The following GATA2 variants were observed in gnomAD, a reference collection of about 807,000 sequenced individuals.
GATA2 encodes the protein GATA binding protein 2.
In GATA2, 6 loss-of-function variants were observed where a neutral mutation model predicts 35.7. The observed-to-expected ratio is 0.17, with a 90% CI of 0.09 to 0.33. The LOEUF (loss-of-function observed/expected upper bound fraction) is 0.33, where lower values mean the gene tolerates loss of function less well. Among genes scored for constraint, GATA2 ranks in the 10% least tolerant of loss-of-function variants. GATA2 has a pLI of 1.00. For missense variants in GATA2, 541 were observed against 656.6 expected, an observed-to-expected ratio of 0.82 and a Z score of 1.92; for synonymous variants, 313 against 274.9, an observed-to-expected ratio of 1.14 and a Z score of -1.37.
chr3:128,486,153 C>T lies in GATA2; in HGVS notation c.445G>A (p.Gly149Arg), dbSNP rs753645971. 5.8e-5 allele frequency: 92 copies of T among 1,581,142 alleles called. No individual in the cohort carries two copies. Among genetic ancestry groups the T allele is most frequent in the Admixed American group, 5.2e-4 (28 of 54,346 alleles). The change falls in exon 3 of 6, where the codon GGG becomes AGG. Residue 149 changes from glycine to arginine, a missense_variant. Transcript: ENST00000341105. ...GCCACTGAGCTCCCGCTGCCTCCCC[C>T]GCTCCCACCCCCAGCCCCTGGGTAC... ...SVYPGAGGGS[G>R]GGSGSSVASL...
chr3:128,481,576 C>G (rs560546629), intron 5 of GATA2, among the ~76,000 whole-genome samples: 47 of 152,364 alleles, frequency 3.1e-4, no homozygotes, highest in African/African-American at 8.7e-4. Context: ...GTCCTCCCCC[C>G]CACCCTGACC....
Position 128,486,265 on chromosome 3 carries a change from G to A in GATA2, c.333C>T (p.His111=), listed in dbSNP as rs148554346. The change falls in exon 3 of 6, where the codon CAC becomes CAT. Residue 111 remains histidine, a synonymous_variant. Transcript: ENST00000341105. ...GGCTCACGGTCCAGGGGTTGTGGTGGTGGGCCGCAGCGGCAGAGAGGGCTG... is the reference window on the plus strand; with the variant it reads ...GGCTCACGGTCCAGGGGTTGTGGTGATGGGCCGCAGCGGCAGAGAGGGCTG... ...GKAALSAAAA[H]HHNPWTVSPF... The A allele has an allele frequency of 3.9e-4, 610 of 1,571,482 alleles. 4 individuals carry two copies. In the African/African-American group the frequency reaches 7.2e-3, roughly 19 times the overall value.
rs1302554354 is a variant in GATA2, at chr3:128,480,439, G to A, written c.*580C>T. 2.5e-5 allele frequency: 6 copies of A among 236,386 alleles called. No individual in the cohort carries two copies. Among genetic ancestry groups the A allele is most frequent in the South Asian group, 1.8e-4 (1 of 5,598 alleles). 14.6% of individuals were successfully genotyped at this position (236,386 alleles called of 1,614,324 possible). On this transcript the variant is annotated 3_prime_UTR_variant, in exon 6 of 6. Coordinates refer to ENST00000341105, the MANE Select transcript of GATA2 (RefSeq NM_032638.5). ...GTCTCTGCCCTCCAGGGCCTGGCCCGTCAAAGCAGGCACCAGCTCACCCTC... is the reference window on the plus strand; with the variant it reads ...GTCTCTGCCCTCCAGGGCCTGGCCCATCAAAGCAGGCACCAGCTCACCCTC...
Position 128,480,995 on chromosome 3 carries a change from C to T in GATA2, c.*24G>A, listed in dbSNP as rs201159232. 216 of 1,529,188 alleles carry T rather than the reference C, an allele frequency of 1.4e-4. No homozygotes were observed. The East Asian group carries it at 4.2e-3, about 30-fold the overall frequency. The allele number at this position is 1,529,188 out of a possible 1,614,324, so 94.7% of individuals were successfully genotyped here. Reference sequence around the variant, plus strand: ...TTGGTCCACCCATCCCGGGAGTGCCCGGTCCTCGACGTCCATCTGTTCCCT... The same window carrying T: ...TTGGTCCACCCATCCCGGGAGTGCCTGGTCCTCGACGTCCATCTGTTCCCT... On this transcript the variant is annotated 3_prime_UTR_variant, in exon 6 of 6. Coordinates refer to ENST00000341105, the MANE Select transcript of GATA2 (RefSeq NM_032638.5).
Position 128,485,763 on chromosome 3 carries a change from T to A in GATA2, c.835A>T (p.Thr279Ser), listed in dbSNP as rs748013734. 5 of 1,613,772 alleles carry A rather than the reference T, an allele frequency of 3.1e-6. No homozygotes were observed. In the South Asian group the frequency reaches 4.4e-5, roughly 14 times the overall value. The change falls in exon 3 of 6, where the codon ACC (threonine) becomes TCC (serine). Residue 279 changes from threonine to serine, a missense_variant. Transcript: ENST00000341105. ...CGAGCCTTGCTGCGCTGCTTAGGGG[T>A]GAAGCTGGAGGCCGGTCCCCCCAGG... The part of the protein sequence containing the change: ...GFLGGPASSF[T>S]PKQRSKARSC...
At position 128,480,946 on chromosome 3, in the gene GATA2, G is replaced by A. The variant is rs886057928; in HGVS notation, c.*73C>T. 2.8e-5 allele frequency: 40 copies of A among 1,443,154 alleles called. No individual in the cohort carries two copies. In the Middle Eastern group the frequency reaches 7.7e-4, roughly 28 times the overall value. The allele number at this position is 1,443,154 out of a possible 1,614,324, so 89.4% of individuals were successfully genotyped here. ...GCTGGCAGGAGTGGTGTCGGCCTTCGGGAAATGCTGGGCTGCTAAGGGTTT... is the reference window on the plus strand; with the variant it reads ...GCTGGCAGGAGTGGTGTCGGCCTTCAGGAAATGCTGGGCTGCTAAGGGTTT... On this transcript the variant is annotated 3_prime_UTR_variant, in exon 6 of 6. Coordinates refer to ENST00000341105, the MANE Select transcript of GATA2 (RefSeq NM_032638.5).
At chr3:128,483,360 G>C (rs180751963) in intron 4 of GATA2, among the ~76,000 whole-genome samples, 1 of 152,184 alleles carries the variant, frequency 6.6e-6, no homozygotes, top group Non-Finnish European at 1.5e-5. Context: ...CAGGAGATCC[G>C]AAAGGGCATT....
chr3:128,491,222 CTG>C (rs1420488317), intron 1 of GATA2, among the ~76,000 whole-genome samples: 1,513 of 90,906 alleles, frequency 0.017, 48 homozygotes, highest in African/African-American at 0.066. Context: ...CCCCCCCCCT[CTG>C]AGCCCTTTGT....
intron 1 of GATA2, 123 bp from the exon 2 acceptor site, chr3:128,487,199 C>T: frequency 1.6e-6 from 1 of 609,450 alleles, no homozygotes; most frequent in South Asian, 2.0e-5. Context: ...GCACCAGTCC[C>T]GGGTGGGAGG....
intron 4 of GATA2, among the ~76,000 whole-genome samples, chr3:128,483,456 TGA>T (rs1261991392): frequency 2.0e-5 from 3 of 151,896 alleles, no homozygotes; most frequent in African/African-American, 7.3e-5. Flanking sequence ...GTGGCCGGTG[TGA>T]GTTTGTGTTT....
intron 4 of GATA2, among the ~76,000 whole-genome samples, chr3:128,482,641 C>T (rs1443360561): frequency 6.6e-6 from 1 of 152,094 alleles, no homozygotes; most frequent in African/African-American, 2.4e-5. Context: ...GTGCTGATCC[C>T]CCCCATCCAG....
At position 128,487,036 on chromosome 3, in the gene GATA2, G is replaced by T; in HGVS notation, c.-5C>A. The T allele has an allele frequency of 6.4e-7, 1 of 1,554,656 alleles. No homozygotes were observed. The highest frequency in any genetic ancestry group is 8.7e-7 in the Non-Finnish European group (1 of 1,146,720). ...CTGCTCGGGCGCCACCTCCATGGCCGGCGGCGGCGGCTCAGGGTCTGGGTG... is the reference window on the plus strand; with the variant it reads ...CTGCTCGGGCGCCACCTCCATGGCCTGCGGCGGCGGCTCAGGGTCTGGGTG... On this transcript the variant is annotated 5_prime_UTR_variant, in exon 2 of 6. Coordinates refer to ENST00000341105, the MANE Select transcript of GATA2 (RefSeq NM_032638.5).
chr3:128,485,658 G>A, intron 3 of GATA2, 69 bp downstream of exon 3: 2 of 1,557,490 alleles, frequency 1.3e-6, no homozygotes, highest in South Asian at 1.2e-5. Context: ...CCTCTCCCAA[G>A]TCACAGCTCC....
intron 4 of GATA2, 68 bp from the exon 5 acceptor site, chr3:128,482,012 C>T (rs550317393): frequency 1.7e-5 from 27 of 1,589,622 alleles, no homozygotes; most frequent in Middle Eastern, 1.7e-4. Context: ...CCCTGACCCT[C>T]GCTCCACCCC....
Position 128,486,320 on chromosome 3 carries a change from G to C in GATA2, c.278C>G (p.Pro93Arg). Residue 93 changes from proline (P) to arginine (R), a missense_variant, in exon 3 of 6, where the codon CCG becomes CGG. By Grantham distance (103) the Pro-to-Arg change is moderately radical. Around this residue, in one of 5 missense-constraint regions of GATA2, gnomAD observed 389 missense variants for 396.9 expected, o/e 0.98. Coordinates refer to ENST00000341105, the MANE Select transcript of GATA2 (RefSeq NM_032638.5). ...QMCRPHLLHS[P>R]GLPWLDGGKA... ...GCCCCCGTCCAGCCAGGGCAAACCCGGGCTGTGCAACAAGTGTGGGCGGCA... is the reference window on the plus strand; with the variant it reads ...GCCCCCGTCCAGCCAGGGCAAACCCCGGCTGTGCAACAAGTGTGGGCGGCA... The C allele has an allele frequency of 6.3e-7, 1 of 1,598,754 alleles. No individual in the cohort carries two copies. Among genetic ancestry groups the C allele is most frequent in the East Asian group, 2.3e-5 (1 of 44,342 alleles).
Position 128,486,926 on chromosome 3 carries a change from G to T in GATA2, c.106C>A (p.Pro36Thr). 1 of 1,612,976 alleles carries T rather than the reference G, an allele frequency of 6.2e-7. No homozygotes were observed. Among genetic ancestry groups the T allele is most frequent in the Non-Finnish European group, 8.5e-7 (1 of 1,179,620 alleles). The stretch of plus-strand genomic sequence containing the variant: ...TCGTCTGGAGGCAGCAGCTGCGCGG[G>T]TTCCATGTAGTTGTGCGCCAGGCCC... ...HPGLAHNYME[P>T]AQLLPPDEVD... is the part of the protein sequence containing the mutation. The change falls in exon 2 of 6, where the codon CCC becomes ACC. Residue 36 changes from proline (P) to threonine (T), a missense_variant. Physicochemically the swap from Pro to Thr is conservative, Grantham distance 38. Around this residue, in one of 5 missense-constraint regions of GATA2, gnomAD observed 389 missense variants for 396.9 expected, o/e 0.98. Transcript: ENST00000341105.
In GATA2 at chr3:128,486,227, G is replaced by T. The variant is rs569301892; in HGVS notation, c.371C>A (p.Thr124Lys). The T allele has an allele frequency of 3.2e-6, 5 of 1,561,510 alleles. No individual in the cohort carries two copies. The Admixed American group carries it at 9.7e-5, about 30-fold the overall frequency. ...TCCAGCAGCTGAGGGGTGCAGTGGC[G>T]TCTTGGAGAAGGGGCTCACGGTCCA... is the stretch of plus-strand genomic sequence containing the variant. ...NPWTVSPFSK[T>K]PLHPSAAGGP... The change falls in exon 3 of 6, where the codon ACG (threonine) becomes AAG (lysine). Residue 124 changes from threonine to lysine, a missense_variant. This residue lies in a region of GATA2 where 389 missense variants were observed against 396.9 expected (regional missense o/e 0.98). Coordinates refer to ENST00000341105, the MANE Select transcript of GATA2 (RefSeq NM_032638.5).
At chr3:128,489,138 G>T (rs1363000950) in intron 1 of GATA2, 1 of 152,222 alleles carries the variant, frequency 6.6e-6, no homozygotes, top group Non-Finnish European at 1.5e-5. Context: ...GTAACTGGAG[G>T]CGGCTTCTCC....
Position 128,480,997 on chromosome 3 carries a change from G to C in GATA2, c.*22C>G. On this transcript the variant is annotated 3_prime_UTR_variant, in exon 6 of 6. Transcript: ENST00000341105. ...GGTCCACCCATCCCGGGAGTGCCCG[G>C]TCCTCGACGTCCATCTGTTCCCTAG... The C allele has an allele frequency of 6.5e-7, 1 of 1,532,792 alleles. No individual in the cohort carries two copies. The highest frequency in any genetic ancestry group is 8.8e-7 in the Non-Finnish European group (1 of 1,138,734). 94.9% of individuals were successfully genotyped at this position (1,532,792 alleles called of 1,614,324 possible).
Sources: gnomAD v4.1 joint callset for allele counts (sites outside exome capture counted in the v4.1 genomes callset) on GRCh38, gnomAD v4.1.1 for gene constraint, gnomAD v4.1.1 regional missense constraint, MANE v1.5 for transcripts, NCBI Gene and HGNC (gene_info 2026-07-23, HGNC 2026-07-21) for gene names.